DIP2C: variants seen among roughly 807,000 people sequenced by gnomAD.
The protein encoded by DIP2C is DIP2 acetate--CoA ligase C (putative), also known as disco-interacting protein 2 homolog C.
A neutral mutation model predicts 192.4 loss-of-function variants in DIP2C; 33 were observed. The observed-to-expected ratio is 0.17, with a 90% confidence interval of 0.13 to 0.23. The LOEUF is 0.23. DIP2C is among the 10% of genes least tolerant of loss of function. The pLI, the probability that DIP2C is intolerant of heterozygous loss-of-function variation, is 1.00. For synonymous variants in DIP2C, 979 were observed against 864.1 expected, an observed-to-expected ratio of 1.13 and a Z score of -2.33; for missense variants, 1,537 against 2,110.1, an observed-to-expected ratio of 0.73 and a Z score of 5.32.
At chr10:371,339 G>C (rs1178027832) in intron 17 of DIP2C, among the ~76,000 whole-genome samples, 1 of 152,178 alleles carries the variant, frequency 6.6e-6, no homozygotes, top group Non-Finnish European at 1.5e-5. Context: ...GGATGCAGGG[G>C]CTGTTCAGAC....
At chr10:579,193 A>G (rs1564222307) in intron 1 of DIP2C, among the ~76,000 whole-genome samples, 1 of 152,136 alleles carries the variant, frequency 6.6e-6, no homozygotes, top group Non-Finnish European at 1.5e-5. Flanking sequence ...TATAACATGT[A>G]CATGCATAGA....
chr10:414,538 C>A (rs1237703646), intron 7 of DIP2C, among the ~76,000 whole-genome samples: 1 of 151,886 alleles, frequency 6.6e-6, no homozygotes, highest in Non-Finnish European at 1.5e-5. Flanking sequence ...GAGGCAGGGT[C>A]TCTCTCTTTT....
chr10:535,499 C>T (rs1847647987), intron 1 of DIP2C, among the ~76,000 whole-genome samples: 1 of 152,048 alleles, frequency 6.6e-6, no homozygotes, highest in Admixed American at 6.5e-5. Flanking sequence ...AGGGGCATGC[C>T]TTTGTACCCA....
intron 1 of DIP2C, among the ~76,000 whole-genome samples, chr10:619,545 T>TCCCA (rs796675005): frequency 0.017 from 265 of 15,872 alleles, no homozygotes; most frequent in South Asian, 0.13. Context: ...CCGCCCGCCC[T>TCCCA]CCCACCCAGC....
chr10:551,379 G>A (rs1234879134), intron 1 of DIP2C, among the ~76,000 whole-genome samples: 3 of 152,348 alleles, frequency 2.0e-5, no homozygotes, highest in East Asian at 1.9e-4. Flanking sequence ...GCCACGTCCC[G>A]CTTACCACAG....
chr10:602,619 T>C (rs1399676858), intron 1 of DIP2C, among the ~76,000 whole-genome samples: 1 of 152,114 alleles, frequency 6.6e-6, no homozygotes, highest in Non-Finnish European at 1.5e-5. Context: ...CACCTTGACC[T>C]CGGACTTCCC....
At chr10:459,505 G>A (rs1450977028) in intron 3 of DIP2C, among the ~76,000 whole-genome samples, 1 of 152,234 alleles carries the variant, frequency 6.6e-6, no homozygotes, top group African/African-American at 2.4e-5. Context: ...CACAGCAGTA[G>A]CTCCACCCAC....
chr10:376,428 G>A (rs1336023281), intron 17 of DIP2C, among the ~76,000 whole-genome samples: 2 of 149,650 alleles, frequency 1.3e-5, no homozygotes, highest in Admixed American at 6.6e-5. Flanking sequence ...CCTGCACAAC[G>A]TTGCTTCTTT....
At chr10:646,506 C>T (rs1179825036) in intron 1 of DIP2C, among the ~76,000 whole-genome samples, 1 of 152,266 alleles carries the variant, frequency 6.6e-6, no homozygotes, top group East Asian at 1.9e-4. Flanking sequence ...TGCCGGCCTG[C>T]AGGATCACAG....
At chr10:307,030 G>A (rs886668227) in intron 32 of DIP2C, among the ~76,000 whole-genome samples, 1 of 152,142 alleles carries the variant, frequency 6.6e-6, no homozygotes, top group Non-Finnish European at 1.5e-5. Flanking sequence ...GGGAGAGCCG[G>A]TGGCTAAAAA....
chr10:662,084 T>G (rs1167706249), intron 1 of DIP2C: 1 of 717,320 alleles, frequency 1.4e-6, no homozygotes, highest in Non-Finnish European at 2.6e-6. Flanking sequence ...CACGATTCTC[T>G]CCGAAGCCCT....
At chr10:393,198 G>A (rs1362458643) in intron 10 of DIP2C, among the ~76,000 whole-genome samples, 3 of 152,204 alleles carry the variant, frequency 2.0e-5, no homozygotes, top group East Asian at 3.8e-4. Flanking sequence ...CAGAAAACTA[G>A]GTTCTCATCA....
Position 532,596 on chromosome 10 carries a change from T to A in DIP2C, c.86-46066A>T, listed in dbSNP as rs2794959. 4.9e-3 allele frequency among the ~76,000 whole-genome samples: 632 copies of A among 128,332 alleles called. 29 individuals are homozygous for A. The highest frequency in any genetic ancestry group is 0.018 in the African/African-American group (542 of 30,270). The allele number at this position is 128,332 out of a possible 152,430, so 84.2% of individuals were successfully genotyped here. A position where few individuals can be genotyped will look rare whatever the true frequency, so the allele number is the denominator to read the frequency against. ...ATGGGTGTGAGAGAGAGTATGGGTG[T>A]GAGAGAGAGTATGGGTGTGAGAGAG... is the stretch of plus-strand genomic sequence containing the variant. On this transcript the variant is annotated intron_variant, in intron 1 of 36. Coordinates refer to ENST00000280886, the MANE Select transcript of DIP2C (RefSeq NM_014974.3).
intron 1 of DIP2C, among the ~76,000 whole-genome samples, chr10:605,495 A>T (rs987935071): frequency 6.6e-6 from 1 of 152,220 alleles, no homozygotes; most frequent in African/African-American, 2.4e-5. Context: ...CGCACCACAT[A>T]AACTGTTACT....
chr10:530,121 C>T (rs924487348), intron 1 of DIP2C, among the ~76,000 whole-genome samples: 1 of 152,238 alleles, frequency 6.6e-6, no homozygotes, highest in Non-Finnish European at 1.5e-5. Context: ...CCGGAGCATC[C>T]CGGACATGCC....
chr10:479,301 G>T (rs867976888), intron 2 of DIP2C, among the ~76,000 whole-genome samples: 1 of 145,564 alleles, frequency 6.9e-6, no homozygotes, highest in East Asian at 2.0e-4. Context: ...CTAAGCACCT[G>T]CCCTAACCCC....
At chr10:506,649 G>A (rs1230997895) in intron 1 of DIP2C, among the ~76,000 whole-genome samples, 1 of 152,182 alleles carries the variant, frequency 6.6e-6, no homozygotes, top group Non-Finnish European at 1.5e-5. Context: ...CAAGGGGCTG[G>A]GCACTCCTGC....
chr10:288,520 A>C, intron 32 of DIP2C, 99 bp from the exon 33 acceptor site: 1 of 1,276,878 alleles, frequency 7.8e-7, no homozygotes, highest in Non-Finnish European at 1.1e-6. Context: ...CTGTCCGGGA[A>C]AGCTGATTCT....
At chr10:685,183 T>TAC (rs1831285297) in intron 1 of DIP2C, among the ~76,000 whole-genome samples, 6 of 19,904 alleles carry the variant, frequency 3.0e-4, no homozygotes, top group African/African-American at 8.1e-4. Flanking sequence ...TATATATATA[T>TAC]ATACATATAT....
Sources: gnomAD v4.1 joint callset for allele counts (sites outside exome capture counted in the v4.1 genomes callset) on GRCh38, gnomAD v4.1.1 for gene constraint, MANE v1.5 for transcripts, NCBI Gene and HGNC (gene_info 2026-07-23, HGNC 2026-07-21) for gene names.